The following CDC42BPA variants were observed in gnomAD, a reference collection of about 807,000 sequenced individuals.
CDC42BPA encodes serine/threonine-protein kinase MRCK alpha.
Under a neutral mutation model 223.5 loss-of-function variants are expected in CDC42BPA, and 80 were observed. The observed-to-expected ratio is 0.36, with a 90% CI of 0.30 to 0.43. The LOEUF is 0.43. Among genes scored for constraint, CDC42BPA ranks in the 20% least tolerant of loss-of-function variants. The pLI, the probability that CDC42BPA is intolerant of heterozygous loss-of-function variation, is 1.00. For missense variants in CDC42BPA, 1,743 were observed against 2,099.9 expected (o/e 0.83, Z 3.32); for synonymous variants, 694 against 718.6 (o/e 0.97, Z 0.55).
At chr1:227,208,923 T>C (rs915734283) in intron 3 of CDC42BPA, among the ~76,000 whole-genome samples, 21 of 152,116 alleles carry the variant, frequency 1.4e-4, no homozygotes, top group Non-Finnish European at 1.2e-4. Context: ...GGGGATGGCA[T>C]TGAATCTGTA....
chr1:227,113,567 T>A (rs546823793), intron 12 of CDC42BPA, among the ~76,000 whole-genome samples: 1 of 152,208 alleles, frequency 6.6e-6, no homozygotes, highest in South Asian at 2.1e-4. Flanking sequence ...AAAGGTATCT[T>A]GGTATTAAAA....
chr1:227,261,953 A>C (rs1427695419), intron 1 of CDC42BPA, among the ~76,000 whole-genome samples: 2 of 152,224 alleles, frequency 1.3e-5, no homozygotes, highest in Non-Finnish European at 2.9e-5. Flanking sequence ...AATTAATATT[A>C]AATCTAGTTC....
chr1:227,102,425 G>A (rs1449932578), intron 14 of CDC42BPA, among the ~76,000 whole-genome samples: 1 of 152,110 alleles, frequency 6.6e-6, no homozygotes, highest in Non-Finnish European at 1.5e-5. Context: ...CTGAAGCATC[G>A]CTATGAAAAT....
intron 12 of CDC42BPA, among the ~76,000 whole-genome samples, chr1:227,117,880 CA>C (rs1182087154): frequency 6.6e-6 from 1 of 151,024 alleles, no homozygotes; most frequent in Non-Finnish European, 1.5e-5. Context: ...ATATAACTCA[CA>C]AAAGATTAGA....
intron 23 of CDC42BPA, among the ~76,000 whole-genome samples, chr1:227,045,425 C>A (rs574177198): frequency 6.6e-6 from 1 of 152,300 alleles, no homozygotes; most frequent in African/African-American, 2.4e-5. Context: ...AAAACTCACA[C>A]AATGATGTGA....
At chr1:227,131,115 CTCTTCTTATTATTCT>C (rs2149521301) in intron 10 of CDC42BPA, among the ~76,000 whole-genome samples, 1 of 151,994 alleles carries the variant, frequency 6.6e-6, no homozygotes, top group East Asian at 1.9e-4. Flanking sequence ...TCCATTACTA[CTCTTCTTATTATTCT>C]TAGTAACTTT....
At position 227,017,001 on chromosome 1, in the gene CDC42BPA, T is replaced by C. The variant is rs1170920007; in HGVS notation, c.4665A>G (p.Gln1555=). 6.2e-7 allele frequency: 1 copy of C among 1,613,598 alleles called. No homozygotes were observed. Among genetic ancestry groups the C allele is most frequent in the African/African-American group, 1.3e-5 (1 of 74,920 alleles). ...VPETSDNSRK[Q]MVRNINNKRR... ...GCTTATTGTTAATGTTTCTAACCAT[T>C]TGTTTCCGACTATTATCTGATGTTT... The change falls in exon 33 of 37, where the codon CAA becomes CAG. Residue 1555 remains glutamine (Q), a synonymous_variant. Transcript: ENST00000366766.
chr1:227,063,018 T>G (rs1316289360), intron 21 of CDC42BPA, among the ~76,000 whole-genome samples: 1 of 152,138 alleles, frequency 6.6e-6, no homozygotes, highest in Non-Finnish European at 1.5e-5. Context: ...CAATACCATT[T>G]AAAGCTAATA....
At chr1:227,128,650 G>GA (rs1656348235) in intron 11 of CDC42BPA, among the ~76,000 whole-genome samples, 1 of 152,088 alleles carries the variant, frequency 6.6e-6, no homozygotes, top group Non-Finnish European at 1.5e-5. Flanking sequence ...GTAATACACT[G>GA]AAAAAATAAT....
intron 12 of CDC42BPA, among the ~76,000 whole-genome samples, chr1:227,117,180 T>C (rs1687897020): frequency 6.6e-6 from 1 of 152,228 alleles, no homozygotes; most frequent in African/African-American, 2.4e-5. Flanking sequence ...TTCTTTGCTG[T>C]ATGTAAGTAA....
intron 11 of CDC42BPA, 107 bp downstream of exon 11, chr1:227,129,002 C>T: frequency 1.3e-6 from 1 of 764,154 alleles, no homozygotes; most frequent in Non-Finnish European, 2.1e-6. Flanking sequence ...TAGCATGCAA[C>T]TCACATCACA....
At chr1:227,215,157 A>G (rs1423871338) in intron 2 of CDC42BPA, among the ~76,000 whole-genome samples, 3 of 152,224 alleles carry the variant, frequency 2.0e-5, no homozygotes, top group African/African-American at 7.2e-5. Context: ...TCTTTCTAAA[A>G]TCCAAAAATA....
intron 32 of CDC42BPA, among the ~76,000 whole-genome samples, chr1:227,018,045 A>ATTATTATTATTG (rs1666649243): frequency 1.3e-5 from 2 of 148,344 alleles, no homozygotes; most frequent in Admixed American, 1.4e-4. Flanking sequence ...TATTATTATT[A>ATTATTATTATTG]TTATTATTAT....
intron 35 of CDC42BPA, 46 bp downstream of exon 35, chr1:227,004,948 G>A (rs1217959756): frequency 3.9e-6 from 5 of 1,271,846 alleles, no homozygotes; most frequent in African/African-American, 1.5e-5. Flanking sequence ...AGGGAGCTGG[G>A]GGTCACCCTG....
rs1286211804 is a variant in CDC42BPA at position 226,993,811 on chromosome 1, C to A, written c.*457G>T. On this transcript the variant is annotated 3_prime_UTR_variant, in exon 37 of 37. Transcript: ENST00000366766. ...CTGGCAACAATCAGGTTGATACTCA[C>A]TGCGTTTGCTGATTAAGAGCTTAGT... 6.3e-6 allele frequency: 1 copy of A among 157,752 alleles called. No homozygotes were observed. The highest frequency in any genetic ancestry group is 2.4e-5 in the African/African-American group (1 of 41,468). 9.8% of individuals were successfully genotyped at this position (157,752 alleles called of 1,614,324 possible). A position where few individuals can be genotyped will look rare whatever the true frequency, so the allele number is the denominator to read the frequency against.
At chr1:227,022,463 T>G (rs557513621) in intron 32 of CDC42BPA, among the ~76,000 whole-genome samples, 2 of 152,142 alleles carry the variant, frequency 1.3e-5, no homozygotes, top group African/African-American at 4.8e-5. Flanking sequence ...AAATACATAA[T>G]GTACTGTAAA....
intron 2 of CDC42BPA, among the ~76,000 whole-genome samples, chr1:227,243,666 T>G (rs1680384094): frequency 1.3e-5 from 2 of 151,940 alleles, no homozygotes; most frequent in African/African-American, 2.4e-5. Context: ...AAGTAAAAGT[T>G]TAATTAATTG....
chr1:227,250,071 A>C (rs1433384810), intron 2 of CDC42BPA, among the ~76,000 whole-genome samples: 1 of 152,220 alleles, frequency 6.6e-6, no homozygotes, highest in Non-Finnish European at 1.5e-5. Context: ...GTCCATTTTG[A>C]AATAACGTGG....
At chr1:227,290,205 A>G (rs1389555839) in intron 1 of CDC42BPA, among the ~76,000 whole-genome samples, 1 of 152,096 alleles carries the variant, frequency 6.6e-6, no homozygotes, top group Non-Finnish European at 1.5e-5. Flanking sequence ...CATGCCTTTG[A>G]GCTTCCTTTC....
Sources: allele counts gnomAD v4.1 joint callset (sites outside exome capture counted in the v4.1 genomes callset), GRCh38; gene constraint gnomAD v4.1.1; transcripts MANE v1.5; gene names NCBI Gene and HGNC (gene_info 2026-07-23, HGNC 2026-07-21).